LUZP2: variants seen among roughly 807,000 people sequenced by gnomAD.
LUZP2 encodes the protein leucine zipper protein 2.
Under a neutral mutation model 51.6 loss-of-function variants are expected in LUZP2, and 52 were observed. The observed-to-expected ratio is 1.01, with a 90% CI of 0.81 to 1.27. LUZP2 has a LOEUF of 1.27. Ranked by LOEUF, LUZP2 falls within the 50% of genes most tolerant of loss-of-function variation. The pLI is 0.00. For missense variants in LUZP2, 436 were observed against 395.4 expected (o/e 1.10, Z -0.87); for synonymous variants, 154 against 137.3 (o/e 1.12, Z -0.85).
chr11:24,984,460 T>A (rs1856128134), intron 9 of LUZP2, among the ~76,000 whole-genome samples: 1 of 146,916 alleles, frequency 6.8e-6, no homozygotes, highest in African/African-American at 2.5e-5. Context: ...TTAAAAATTA[T>A]TCAAAACAAT....
intron 3 of LUZP2, among the ~76,000 whole-genome samples, chr11:24,737,700 C>T (rs1858995090): frequency 1.3e-5 from 2 of 152,032 alleles, no homozygotes; most frequent in African/African-American, 2.4e-5. Context: ...TTAAATGAGA[C>T]AGGCCTTAAG....
intron 1 of LUZP2, among the ~76,000 whole-genome samples, chr11:24,520,930 C>G (rs1284946966): frequency 6.6e-6 from 1 of 152,182 alleles, no homozygotes; most frequent in African/African-American, 2.4e-5. Context: ...TATGATGCCT[C>G]AGTCCGCACC....
chr11:25,049,994 A>G (rs1858441248), intron 9 of LUZP2, 44 bp from the exon 10 acceptor site: 2 of 1,143,780 alleles, frequency 1.7e-6, no homozygotes, highest in Admixed American at 2.3e-5. Context: ...TTTCTCTTGT[A>G]TTTAGTGATT....
intron 5 of LUZP2, among the ~76,000 whole-genome samples, chr11:24,798,451 C>A (rs1849607788): frequency 6.6e-6 from 1 of 152,160 alleles, no homozygotes. Context: ...TCCACCTCAG[C>A]CTCCCAAGTC....
intron 5 of LUZP2, among the ~76,000 whole-genome samples, chr11:24,877,229 CT>C (rs1852300734): frequency 1.3e-5 from 2 of 152,020 alleles, no homozygotes; most frequent in Admixed American, 6.6e-5. Flanking sequence ...TGAAAATTGT[CT>C]GATAAAAATT....
intron 7 of LUZP2, among the ~76,000 whole-genome samples, chr11:24,953,325 ATG>A (rs1355522555): frequency 3.3e-5 from 5 of 151,994 alleles, no homozygotes; most frequent in African/African-American, 1.2e-4. Flanking sequence ...CTAGGGGACC[ATG>A]ATATTCAAGC....
At chr11:24,933,342 T>A (rs1430750834) in intron 7 of LUZP2, among the ~76,000 whole-genome samples, 1 of 152,158 alleles carries the variant, frequency 6.6e-6, no homozygotes, top group African/African-American at 2.4e-5. Context: ...CTGCCTCCTA[T>A]CCACCATTTT....
At chr11:24,643,527 C>A (rs548038492) in intron 1 of LUZP2, among the ~76,000 whole-genome samples, 3 of 152,092 alleles carry the variant, frequency 2.0e-5, no homozygotes, top group Non-Finnish European at 4.4e-5. Flanking sequence ...CTTGCTAATG[C>A]GCAGTACAGA....
intron 4 of LUZP2, among the ~76,000 whole-genome samples, chr11:24,742,847 A>T: frequency 6.6e-6 from 1 of 152,074 alleles, no homozygotes. Flanking sequence ...ATAAGTCCTT[A>T]ATCTATCTTG....
intron 7 of LUZP2, among the ~76,000 whole-genome samples, chr11:24,969,689 A>G (rs974238985): frequency 6.6e-6 from 1 of 152,188 alleles, no homozygotes; most frequent in African/African-American, 2.4e-5. Context: ...TCAATTTTCA[A>G]TTATTTAACT....
At chr11:25,026,790 A>G (rs1225110229) in intron 9 of LUZP2, among the ~76,000 whole-genome samples, 2 of 151,976 alleles carry the variant, frequency 1.3e-5, no homozygotes, top group African/African-American at 2.4e-5. Flanking sequence ...TATCCACCCT[A>G]TCTCCGAGAA....
intron 7 of LUZP2, among the ~76,000 whole-genome samples, chr11:24,955,817 A>G (rs1299046340): frequency 2.6e-5 from 4 of 152,086 alleles, no homozygotes; most frequent in Non-Finnish European, 5.9e-5. Context: ...TTAAAATCTC[A>G]AACTGAAGAT....
In LUZP2 at chr11:24,897,834, A is replaced by G. The variant is rs571983321; in HGVS notation, c.397-8157A>G. ...GGGTTATTTATTTTTTGCTTGCTCA[A>G]TTGATTTACTTATGGATTCTCAAGG... On this transcript the variant is annotated intron_variant, in intron 5 of 11. Transcript: ENST00000336930. Among the ~76,000 whole-genome samples the G allele has an allele frequency of 4.6e-5, 7 of 152,146 alleles. No homozygotes were observed. In the South Asian group the frequency reaches 1.5e-3, roughly 32 times the overall value.
intron 1 of LUZP2, among the ~76,000 whole-genome samples, chr11:24,579,356 A>T (rs1347696127): frequency 1.3e-5 from 2 of 152,116 alleles, no homozygotes; most frequent in Non-Finnish European, 2.9e-5. Flanking sequence ...ACTAGGAGAT[A>T]TATACACTAT....
intron 5 of LUZP2, among the ~76,000 whole-genome samples, chr11:24,784,903 C>T (rs1849198491): frequency 6.6e-6 from 1 of 151,976 alleles, no homozygotes; most frequent in Non-Finnish European, 1.5e-5. Context: ...ACATGCTGTA[C>T]ATGTAAATAC....
chr11:24,534,926 C>A (rs1284459127), intron 1 of LUZP2, among the ~76,000 whole-genome samples: 4 of 151,214 alleles, frequency 2.6e-5, no homozygotes, highest in Non-Finnish European at 5.9e-5. Flanking sequence ...AGAGATTTTC[C>A]ACCATAAACA....
chr11:24,954,294 C>T (rs1855158000), intron 7 of LUZP2, among the ~76,000 whole-genome samples: 1 of 152,032 alleles, frequency 6.6e-6, no homozygotes. Flanking sequence ...AGGAGGTTGC[C>T]ATGAAGCAAT....
At chr11:24,957,689 G>T (rs1205959337) in intron 7 of LUZP2, among the ~76,000 whole-genome samples, 1 of 152,052 alleles carries the variant, frequency 6.6e-6, no homozygotes, top group Non-Finnish European at 1.5e-5. Context: ...TCTTTTCAAA[G>T]GCTGAATAAT....
chr11:24,623,058 T>C (rs1426008332), intron 1 of LUZP2, among the ~76,000 whole-genome samples: 1 of 152,030 alleles, frequency 6.6e-6, no homozygotes, highest in African/African-American at 2.4e-5. Flanking sequence ...CCAGGCTTCG[T>C]ACTGTAAATG....
Sources: gnomAD v4.1 joint callset for allele counts (sites outside exome capture counted in the v4.1 genomes callset) on GRCh38, gnomAD v4.1.1 for gene constraint, MANE v1.5 for transcripts, NCBI Gene and HGNC (gene_info 2026-07-23, HGNC 2026-07-21) for gene names.